Variants in FGFR3 observed in about 807,000 individuals in gnomAD.
The protein encoded by FGFR3 is FGFR-3.
FGFR3 carries 25 observed loss-of-function variants against 82.9 expected under a neutral mutation model. The ratio of observed to expected loss-of-function variants is 0.30; its 90% CI spans 0.22 to 0.42. The LOEUF is 0.42. Ranked by LOEUF, FGFR3 falls within the 10% of genes least tolerant of loss-of-function variation. The probability of loss-of-function intolerance (pLI) is 1.00; values close to 1 mark genes in which losing one functional copy is unlikely to be tolerated. For synonymous variants in FGFR3, 620 were observed against 516.0 expected (o/e 1.20, Z -2.73); for missense variants, 1,026 against 1,161.0 (o/e 0.88, Z 1.69).
intron 2 of FGFR3, among the ~76,000 whole-genome samples, chr4:1,794,398 A>G (rs1720217039): frequency 6.6e-6 from 1 of 152,054 alleles, no homozygotes; most frequent in African/African-American, 2.4e-5. Flanking sequence ...GCGCAGACGG[A>G]AAGTTCCCAT....
rs1287016961 is a variant in FGFR3 at position 1,807,703 on chromosome 4, C to T, written c.*441C>T. On this transcript the variant is annotated 3_prime_UTR_variant, in exon 18 of 18. Coordinates refer to ENST00000440486, the MANE Select transcript of FGFR3 (RefSeq NM_000142.5). ...CCAAAGCTGAGCCTGCAGGGAAGCC[C>T]CACATGTCCAGCACCTTGTGCCTGG... 1 of 617,210 alleles carries T rather than the reference C, an allele frequency of 1.6e-6. No homozygotes were observed. Among genetic ancestry groups the T allele is most frequent in the Non-Finnish European group, 3.1e-6 (1 of 322,024 alleles). 38.2% of individuals were successfully genotyped at this position (617,210 alleles called of 1,614,324 possible).
At position 1,807,143 on chromosome 4, in the gene FGFR3, G is replaced by C. The variant is rs560280646; in HGVS notation, c.2302G>C (p.Glu768Gln). The C allele has an allele frequency of 6.3e-7, 1 of 1,595,962 alleles. No homozygotes were observed. Reference sequence around the variant, plus strand: ...GTACCTGGACCTGTCGGCGCCTTTCGAGCAGTACTCCCCGGGTGGCCAGGA... The same window carrying C: ...GTACCTGGACCTGTCGGCGCCTTTCCAGCAGTACTCCCCGGGTGGCCAGGA... ...DEYLDLSAPF[E>Q]QYSPGGQDTP... The change falls in exon 18 of 18, where the codon GAG becomes CAG. Residue 768 changes from glutamate to glutamine, a missense_variant. Glu to Gln is a conservative substitution (Grantham distance 29). Transcript: ENST00000440486.
chr4:1,807,547 G>C lies in FGFR3; in HGVS notation c.*285G>C, dbSNP rs1262102144. On this transcript the variant is annotated 3_prime_UTR_variant, in exon 18 of 18. Transcript: ENST00000440486. ...CACCGAGGGGCCTTTGTTCTGGGGG[G>C]ACCCAGTGCAGAATGTAAGTGGGCC... 1 of 712,480 alleles carries C rather than the reference G, an allele frequency of 1.4e-6. No homozygotes were observed. The highest frequency in any genetic ancestry group is 1.8e-5 in the Admixed American group (1 of 54,556). The allele number at this position is 712,480 out of a possible 1,614,324, so 44.1% of individuals were successfully genotyped here.
rs775752569 is a variant in FGFR3 at position 1,806,815 on chromosome 4, C to T, written c.2169-14C>T. ...GGAAGCGGCGGGGCTCACTCCTGAG[C>T]GCCCTGCCCGCAGGTACATGATCAT... On this transcript the variant is annotated splice_polypyrimidine_tract_variant and intron_variant, in intron 16 of 17. Transcript: ENST00000440486. The T allele has an allele frequency of 1.3e-5, 21 of 1,591,324 alleles. No individual in the cohort carries two copies. The highest frequency in any genetic ancestry group is 7.9e-5 in the South Asian group (7 of 88,654).
In FGFR3 at chr4:1,801,860, G is replaced by T; in HGVS notation, c.765G>T (p.Leu255=). 1.2e-6 allele frequency: 2 copies of T among 1,607,924 alleles called. No homozygotes were observed. The highest frequency in any genetic ancestry group is 1.7e-6 in the Non-Finnish European group (2 of 1,177,010). ...VLERSPHRPI[L]QAGLPANQTA... is the part of the protein sequence containing the mutation. ...AGCGCTCCCCGCACCGGCCCATCCT[G>T]CAGGCGGGGCTGCCGGCCAACCAGA... Residue 255 remains leucine, a synonymous_variant, in exon 7 of 18, where the codon CTG becomes CTT. Coordinates refer to ENST00000440486, the MANE Select transcript of FGFR3 (RefSeq NM_000142.5).
rs149119664 is a variant in FGFR3 at position 1,807,276 on chromosome 4, C to G, written c.*14C>G. On this transcript the variant is annotated 3_prime_UTR_variant, in exon 18 of 18. Coordinates refer to ENST00000440486, the MANE Select transcript of FGFR3 (RefSeq NM_000142.5). ...TCGCGGACGTGAAGGGCCACTGGTC[C>G]CCAACAATGTGAGGGGTCCCTAGCA... 1.3e-6 allele frequency: 2 copies of G among 1,587,668 alleles called. No individual in the cohort carries two copies. Among genetic ancestry groups the G allele is most frequent in the Non-Finnish European group, 1.7e-6 (2 of 1,169,966 alleles).
intron 8 of FGFR3, among the ~76,000 whole-genome samples, chr4:1,804,119 C>T (rs1167284974): frequency 6.6e-6 from 1 of 152,230 alleles, no homozygotes; most frequent in East Asian, 1.9e-4. Context: ...CGGTGTGGGA[C>T]TGGCTGGCTC....
At chr4:1,798,423 C>T (rs757319294) in intron 2 of FGFR3, among the ~76,000 whole-genome samples, 1 of 151,972 alleles carries the variant, frequency 6.6e-6, no homozygotes, top group Non-Finnish European at 1.5e-5. Context: ...TTGGCCGGAC[C>T]CAGCGCCGTG....
At position 1,801,887 on chromosome 4, in the gene FGFR3, G is replaced by T. The variant is rs754400359; in HGVS notation, c.792G>T (p.Thr264=). 6.2e-7 allele frequency: 1 copy of T among 1,610,780 alleles called. No individual in the cohort carries two copies. The highest frequency in any genetic ancestry group is 8.5e-7 in the Non-Finnish European group (1 of 1,178,722). ...ILQAGLPANQ[T]AVLGSDVEFH... Reference sequence around the variant, plus strand: ...AGGCGGGGCTGCCGGCCAACCAGACGGCGGTGCTGGGCAGCGACGTGGAGT... The same window carrying T: ...AGGCGGGGCTGCCGGCCAACCAGACTGCGGTGCTGGGCAGCGACGTGGAGT... Residue 264 remains threonine (T), a synonymous_variant, in exon 7 of 18, where the codon ACG becomes ACT. Coordinates refer to ENST00000440486, the MANE Select transcript of FGFR3 (RefSeq NM_000142.5).
chr4:1,799,908 G>A (rs537400431), intron 4 of FGFR3, 96 bp downstream of exon 4: 103 of 1,392,536 alleles, frequency 7.4e-5, no homozygotes, highest in South Asian at 4.2e-4. Flanking sequence ...CTAAGGCCCC[G>A]GAACAACCTC....
rs1722045387 is a variant in FGFR3 at position 1,807,192 on chromosome 4, GGGACGACTCCGT to G, written c.2353_2364del (p.Asp785_Val788del). On this transcript the variant is annotated inframe_deletion, in exon 18 of 18. Coordinates refer to ENST00000440486, the MANE Select transcript of FGFR3 (RefSeq NM_000142.5). ...GACACCCCCAGCTCCAGCTCCTCAG[GGGACGACTCCGT>G]GTTTGCCCACGACCTGCTGCCCCCG... The G allele has an allele frequency of 1.2e-6, 2 of 1,607,472 alleles. No individual in the cohort carries two copies. The highest frequency in any genetic ancestry group is 1.7e-6 in the Non-Finnish European group (2 of 1,177,824).
At chr4:1,804,567 C>T (rs772157716) in intron 9 of FGFR3, 47 bp downstream of exon 9, 12 of 1,599,794 alleles carry the variant, frequency 7.5e-6, no homozygotes, top group Admixed American at 1.7e-5. Flanking sequence ...CCCGCCAGGC[C>T]TCCTGGAGCC....
Position 1,808,795 on chromosome 4 carries a change from A to G in FGFR3, c.*1533A>G, listed in dbSNP as rs541193957. The stretch of plus-strand genomic sequence containing the variant: ...CCAGTGCATGGTGGCCAGAGGTGTC[A>G]CCCAAACCGGCAGGTGCGATTTTGT... On this transcript the variant is annotated 3_prime_UTR_variant, in exon 18 of 18. Coordinates refer to ENST00000440486, the MANE Select transcript of FGFR3 (RefSeq NM_000142.5). 8 of 231,268 alleles carry G rather than the reference A, an allele frequency of 3.5e-5. No homozygotes were observed. In the South Asian group the frequency reaches 1.3e-3, roughly 37 times the overall value. 14.3% of individuals were successfully genotyped at this position (231,268 alleles called of 1,614,324 possible).
intron 2 of FGFR3, 102 bp from the exon 3 acceptor site, chr4:1,799,152 A>G (rs987633890): frequency 6.5e-7 from 1 of 1,534,434 alleles, no homozygotes; most frequent in African/African-American, 1.4e-5. Context: ...GATCTGGGTC[A>G]GAGCCTTCCT....
intron 4 of FGFR3, among the ~76,000 whole-genome samples, chr4:1,800,790 T>A (rs555670199): frequency 6.6e-6 from 1 of 152,130 alleles, no homozygotes; most frequent in Non-Finnish European, 1.5e-5. Flanking sequence ...GAAAAACCAG[T>A]TGGGCTGTGA....
At chr4:1,796,243 C>G (rs1170517457) in intron 2 of FGFR3, among the ~76,000 whole-genome samples, 2 of 152,138 alleles carry the variant, frequency 1.3e-5, no homozygotes, top group Non-Finnish European at 2.9e-5. Flanking sequence ...GTTTCCTTAC[C>G]TGTCCAAGAG....
intron 2 of FGFR3, among the ~76,000 whole-genome samples, chr4:1,797,159 CAAGA>C (rs969683275): frequency 3.9e-5 from 6 of 152,136 alleles, no homozygotes; most frequent in African/African-American, 7.2e-5. Flanking sequence ...TTTTGTGGAT[CAAGA>C]AAGAAAGAAC....
At chr4:1,798,033 G>A (rs371337410) in intron 2 of FGFR3, among the ~76,000 whole-genome samples, 4 of 151,938 alleles carry the variant, frequency 2.6e-5, no homozygotes, top group Admixed American at 6.5e-5. Context: ...CCCCCGTCCC[G>A]GCCCCAAGCC....
chr4:1,804,900 G>T lies in FGFR3; in HGVS notation c.1343G>T (p.Gly448Val). 2 of 1,549,936 alleles carry T rather than the reference G, an allele frequency of 1.3e-6. No homozygotes were observed. The highest frequency in any genetic ancestry group is 1.7e-6 in the Non-Finnish European group (2 of 1,146,926). ...ATCGCAAGGCTGTCCTCAGGGGAGG[G>T]CCCCACGCTGGCCAATGTCTCCGAG... The part of the protein sequence containing the change: ...VRIARLSSGE[G>V]PTLANVSELE... The change falls in exon 10 of 18, where the codon GGC (glycine) becomes GTC (valine). Residue 448 changes from glycine to valine, a missense_variant. Transcript: ENST00000440486.
Sources: gnomAD v4.1 joint callset for allele counts (sites outside exome capture counted in the v4.1 genomes callset) on GRCh38, gnomAD v4.1.1 for gene constraint, MANE v1.5 for transcripts, NCBI Gene and HGNC (gene_info 2026-07-23, HGNC 2026-07-21) for gene names.